The following DNAH14 variants were observed in gnomAD, a reference collection of about 807,000 sequenced individuals.
DNAH14 encodes the protein axonemal beta dynein heavy chain 14.
A neutral mutation model predicts 520.9 loss-of-function variants in DNAH14; 478 were observed. That is an observed-to-expected ratio of 0.92 (90% CI 0.85 to 0.99). The LOEUF (loss-of-function observed/expected upper bound fraction) is 0.99, where lower values mean the gene tolerates loss of function less well. Among genes scored for constraint, DNAH14 ranks in the 50% least tolerant of loss-of-function variants. DNAH14 has a pLI of 0.00. For missense variants in DNAH14, 4,831 were observed against 5,234.5 expected, an observed-to-expected ratio of 0.92 and a Z score of 2.38; for synonymous variants, 1,581 against 1,757.2, an observed-to-expected ratio of 0.90 and a Z score of 2.51.
At chr1:225,367,295 T>C (rs1011459883) in intron 76 of DNAH14, among the ~76,000 whole-genome samples, 7 of 152,310 alleles carry the variant, frequency 4.6e-5, no homozygotes, top group Admixed American at 4.6e-4. Flanking sequence ...GGACTTTCAA[T>C]GCAATCAAAG....
rs1310455531 is a variant in DNAH14 at position 225,207,054 on chromosome 1, T to C, written c.6273T>C (p.Cys2091=). The stretch of plus-strand genomic sequence containing the variant: ...TTATAAGTCAATCAGGAGTGGATTG[T>C]CTTGAATTCATGATTAAAAATAGTG... ...SKIISQSGVD[C]LEFMIKNSVT... is the part of the protein sequence containing the mutation. Residue 2091 remains cysteine, a synonymous_variant, in exon 41 of 86, where the codon TGT becomes TGC. Coordinates refer to ENST00000682510, the MANE Select transcript of DNAH14 (RefSeq NM_001367479.1). 1 of 1,550,524 alleles carries C rather than the reference T, an allele frequency of 6.4e-7. No homozygotes were observed. Among genetic ancestry groups the C allele is most frequent in the African/African-American group, 1.4e-5 (1 of 73,018 alleles).
intron 54 of DNAH14, among the ~76,000 whole-genome samples, chr1:225,281,287 A>G (rs781607162): frequency 7.9e-5 from 12 of 152,110 alleles, no homozygotes; most frequent in Non-Finnish European, 1.3e-4. Context: ...AACTGCCTTT[A>G]TCCATCTGTA....
In DNAH14 at chr1:225,065,189, C is replaced by T. The variant is rs1475603448; in HGVS notation, c.2424+13394C>T. The stretch of plus-strand genomic sequence containing the variant: ...ATGTCCTGAATGGTATTGCCTAGGA[C>T]ATCTTCCAGGGTTTTTATAGTTTGG... On this transcript the variant is annotated intron_variant, in intron 17 of 85. Transcript: ENST00000682510. Among the ~76,000 whole-genome samples, 3 of 151,860 alleles carry T rather than the reference C, an allele frequency of 2.0e-5. No individual in the cohort carries two copies. In the East Asian group the frequency reaches 5.8e-4, roughly 29 times the overall value.
intron 78 of DNAH14, among the ~76,000 whole-genome samples, chr1:225,375,660 A>G (rs994962114): frequency 6.6e-6 from 1 of 152,188 alleles, no homozygotes; most frequent in Non-Finnish European, 1.5e-5. Context: ...ATGGATAGCA[A>G]TGGTCTATGT....
chr1:225,076,205 C>A (rs1243415102), intron 17 of DNAH14, among the ~76,000 whole-genome samples: 1 of 152,158 alleles, frequency 6.6e-6, no homozygotes, highest in Non-Finnish European at 1.5e-5. Flanking sequence ...GTGGGGAGAA[C>A]CAGAGACTGA....
At position 225,314,685 on chromosome 1, in the gene DNAH14, T is replaced by C. The variant is rs527536177; in HGVS notation, c.9241-3898T>C. 4.8e-3 allele frequency among the ~76,000 whole-genome samples: 726 copies of C among 152,320 alleles called. 4 individuals are homozygous for C. Among genetic ancestry groups the C allele is most frequent in the African/African-American group, 0.017 (690 of 41,562 alleles). On this transcript the variant is annotated intron_variant, in intron 60 of 85. Coordinates refer to ENST00000682510, the MANE Select transcript of DNAH14 (RefSeq NM_001367479.1). ...TGTCTGTAAAGGATTTTATTTCTCC[T>C]TCACTTACAAAGCTTAGCTTGGCTG...
At chr1:225,053,521 T>C (rs944669460) in intron 17 of DNAH14, among the ~76,000 whole-genome samples, 1 of 152,126 alleles carries the variant, frequency 6.6e-6, no homozygotes, top group African/African-American at 2.4e-5. Context: ...GTGTGAAGAA[T>C]AGATTGAAGT....
At chr1:225,247,790 GC>G (rs1199648765) in intron 43 of DNAH14, among the ~76,000 whole-genome samples, 1 of 152,168 alleles carries the variant, frequency 6.6e-6, no homozygotes, top group Non-Finnish European at 1.5e-5. Context: ...ACTTTGGGAG[GC>G]CGAGGCAGGC....
At chr1:225,143,521 C>T (rs1172368423) in intron 28 of DNAH14, among the ~76,000 whole-genome samples, 2 of 152,128 alleles carry the variant, frequency 1.3e-5, no homozygotes, top group African/African-American at 4.8e-5. Context: ...CACACTACTA[C>T]ATGATAGCAT....
intron 54 of DNAH14, among the ~76,000 whole-genome samples, chr1:225,285,683 C>A (rs1034921635): frequency 1.3e-5 from 2 of 152,034 alleles, no homozygotes; most frequent in African/African-American, 4.8e-5. Flanking sequence ...ATAATGAGAC[C>A]CCCTTCTTAC....
intron 44 of DNAH14, among the ~76,000 whole-genome samples, chr1:225,256,502 T>A (rs1045387042): frequency 2.0e-5 from 3 of 152,012 alleles, no homozygotes; most frequent in Admixed American, 2.0e-4. Context: ...TACAGAAAAC[T>A]AAGTTTAACG....
At chr1:225,211,578 C>G (rs189858764) in intron 41 of DNAH14, among the ~76,000 whole-genome samples, 1 of 152,160 alleles carries the variant, frequency 6.6e-6, no homozygotes, top group Admixed American at 6.5e-5. Flanking sequence ...AAACACTCTT[C>G]AAGATATCCA....
intron 35 of DNAH14, among the ~76,000 whole-genome samples, chr1:225,165,267 T>C (rs1346187030): frequency 1.3e-5 from 2 of 152,172 alleles, no homozygotes; most frequent in Non-Finnish European, 2.9e-5. Flanking sequence ...CTACTCTTTC[T>C]CTTCGTATGC....
intron 20 of DNAH14, 55 bp from the exon 21 acceptor site, chr1:225,085,489 C>A: frequency 7.1e-7 from 1 of 1,415,602 alleles, no homozygotes. Flanking sequence ...CCATTTTGGA[C>A]ATATCAGGAA....
intron 77 of DNAH14, among the ~76,000 whole-genome samples, chr1:225,370,035 A>C (rs1250662599): frequency 1.3e-5 from 2 of 152,146 alleles, no homozygotes; most frequent in Non-Finnish European, 2.9e-5. Context: ...CACGCCCATA[A>C]TCCCAGCACT....
In DNAH14 at chr1:225,397,955, G is replaced by C. The variant is rs116567320; in HGVS notation, c.13492-565G>C. On this transcript the variant is annotated intron_variant, in intron 84 of 85. Coordinates refer to ENST00000682510, the MANE Select transcript of DNAH14 (RefSeq NM_001367479.1). Reference sequence around the variant, plus strand: ...CCAGCTACTCAGGAGGCTGAAGTGGGAGAACCGATGGAACCCAGGCGGTGG... The same window carrying C: ...CCAGCTACTCAGGAGGCTGAAGTGGCAGAACCGATGGAACCCAGGCGGTGG... 4.4e-3 allele frequency: 637 copies of C among 145,416 alleles called. 4 individuals are homozygous for C. Among genetic ancestry groups the C allele is most frequent in the Non-Finnish European group, 7.0e-3 (470 of 67,280 alleles). The allele number at this position is 145,416 out of a possible 1,614,324, so 9.0% of individuals were successfully genotyped here.
chr1:225,141,334 A>C (rs533950916), intron 28 of DNAH14, among the ~76,000 whole-genome samples: 4 of 152,132 alleles, frequency 2.6e-5, no homozygotes, highest in African/African-American at 7.2e-5. Flanking sequence ...CTGTTTTATT[A>C]TGTCATTGTT....
intron 60 of DNAH14, among the ~76,000 whole-genome samples, chr1:225,317,963 G>A (rs1216081511): frequency 6.6e-6 from 1 of 152,106 alleles, no homozygotes; most frequent in East Asian, 1.9e-4. Flanking sequence ...ACAGTTTACA[G>A]TAGTTTTACT....
chr1:225,128,412 C>G (rs1412064336), intron 27 of DNAH14, among the ~76,000 whole-genome samples: 3 of 152,126 alleles, frequency 2.0e-5, no homozygotes, highest in Admixed American at 6.6e-5. Flanking sequence ...ATGCAAAAAT[C>G]CTCAATAAAA....
Sources: gnomAD v4.1 joint callset for allele counts (sites outside exome capture counted in the v4.1 genomes callset) on GRCh38, gnomAD v4.1.1 for gene constraint, MANE v1.5 for transcripts, NCBI Gene and HGNC (gene_info 2026-07-23, HGNC 2026-07-21) for gene names.